Variants in CSGALNACT1 observed in about 807,000 individuals in gnomAD.
CSGALNACT1 encodes the protein chondroitin sulfate N-acetylgalactosaminyltransferase 1.
CSGALNACT1 carries 52 observed loss-of-function variants against 51.0 expected under a neutral mutation model. The ratio of observed to expected loss-of-function variants is 1.02; its 90% CI spans 0.82 to 1.29. CSGALNACT1 has a LOEUF of 1.29. Among genes scored for constraint, CSGALNACT1 ranks in the 50% most tolerant of loss-of-function variants. The pLI, the probability that CSGALNACT1 is intolerant of heterozygous loss-of-function variation, is 0.00. For missense variants in CSGALNACT1, 935 were observed against 679.2 expected (o/e 1.38, Z -4.19); for synonymous variants, 341 against 254.4 (o/e 1.34, Z -3.24).
intron 4 of CSGALNACT1, among the ~76,000 whole-genome samples, chr8:19,491,333 C>A (rs1185279603): frequency 6.6e-6 from 1 of 151,994 alleles, no homozygotes; most frequent in Non-Finnish European, 1.5e-5. Context: ...ATTATAAATA[C>A]TTCTATGATA....
upstream of CSGALNACT1, among the ~76,000 whole-genome samples, chr8:19,605,597 T>C (rs1311537246): frequency 1.3e-5 from 2 of 152,136 alleles, no homozygotes; most frequent in Non-Finnish European, 2.9e-5. Flanking sequence ...TCATCACCAG[T>C]GTCAGTTACA....
At chr8:19,703,925 C>T (rs986467042) in intron 1 of CSGALNACT1, among the ~76,000 whole-genome samples, 12 of 152,166 alleles carry the variant, frequency 7.9e-5, no homozygotes, top group African/African-American at 2.4e-4. Context: ...TTACATAGTA[C>T]GGGTGCATAT....
chr8:19,461,719 A>G (rs369543931), intron 4 of CSGALNACT1, among the ~76,000 whole-genome samples: 1 of 96,884 alleles, frequency 1.0e-5, no homozygotes, highest in African/African-American at 3.2e-5. Context: ...ACACACATTC[A>G]CCATGGAGGG....
chr8:19,652,674 G>A (rs1312773377), intron 1 of CSGALNACT1, among the ~76,000 whole-genome samples: 1 of 152,130 alleles, frequency 6.6e-6, no homozygotes, highest in Non-Finnish European at 1.5e-5. Flanking sequence ...TAGACTTTGG[G>A]AAACAGCAAT....
chr8:19,459,807 A>C (rs1169494830), intron 4 of CSGALNACT1, among the ~76,000 whole-genome samples: 1 of 152,196 alleles, frequency 6.6e-6, no homozygotes, highest in Non-Finnish European at 1.5e-5. Context: ...GATAAATGTT[A>C]GCCATCTTCA....
chr8:19,499,607 G>C (rs1023204840), intron 4 of CSGALNACT1, among the ~76,000 whole-genome samples: 1 of 152,162 alleles, frequency 6.6e-6, no homozygotes, highest in Non-Finnish European at 1.5e-5. Flanking sequence ...CTGTGCAGAG[G>C]CTCCATCTGC....
chr8:19,458,787 C>A (rs1279092619), intron 4 of CSGALNACT1, 145 bp from the exon 4 acceptor site: 1 of 794,168 alleles, frequency 1.3e-6, no homozygotes, highest in Non-Finnish European at 2.1e-6. Flanking sequence ...TCAAAATGCT[C>A]CCAATTAAAA....
intron 6 of CSGALNACT1, among the ~76,000 whole-genome samples, chr8:19,439,579 C>T (rs929812860): frequency 2.6e-5 from 4 of 152,230 alleles, no homozygotes; most frequent in African/African-American, 9.6e-5. Context: ...ACACTCCCCT[C>T]ACCCCTGCTG....
chr8:19,474,869 G>GAAAAAAAAAAAAAAA (rs10683237), intron 4 of CSGALNACT1, among the ~76,000 whole-genome samples: 117 of 85,854 alleles, frequency 1.4e-3, no homozygotes, highest in East Asian at 1.8e-3. Context: ...CTCTGTCTCA[G>GAAAAAAAAAAAAAAA]AAAAAAAAAA....
Position 19,670,650 on chromosome 8 carries a change from C to CAAAAAAA in CSGALNACT1, c.-544+11816_-544+11822dup, listed in dbSNP as rs752256046. Reference sequence around the variant, plus strand: ...AGAACTGATTATGCACTACTGAAGACAAAAAAAAAAAAAAAAAAAAAAAGA... The same window carrying CAAAAAAA: ...AGAACTGATTATGCACTACTGAAGACAAAAAAAAAAAAAAAAAAAAAAAAAAAAAAGA... On this transcript the variant is annotated intron_variant, in intron 1 of 9. Coordinates refer to the CSGALNACT1 transcript ENST00000332246. 2.1e-3 allele frequency among the ~76,000 whole-genome samples: 191 copies of CAAAAAAA among 92,768 alleles called. 1 individual carries two copies. The highest frequency in any genetic ancestry group is 2.6e-3 in the Admixed American group (17 of 6,450). 60.9% of individuals were successfully genotyped at this position (92,768 alleles called of 152,430 possible). A position where few individuals can be genotyped will look rare whatever the true frequency, so the allele number is the denominator to read the frequency against.
chr8:19,602,441 C>T (rs924759906), exon 1 of CSGALNACT1: 1 of 152,604 alleles, frequency 6.6e-6, no homozygotes, highest in Non-Finnish European at 1.5e-5. Context: ...GACCGCCTTC[C>T]CGAAGCACCG....
chr8:19,757,363 C>G lies in CSGALNACT1; in HGVS notation c.-297+487G>C, dbSNP rs2065468090. ...CGGCGGCGGCTCGGGCGGGCGGGCG[C>G]AACAGCGGCCAAGCCTGGCGCCCCG... On this transcript the variant is annotated intron_variant, in intron 1 of 1. Transcript: ENST00000517494. The surrounding 1 kb of genome is among the most constrained non-coding windows in gnomAD (Gnocchi z 4.0). 6.6e-6 allele frequency: 1 copy of G among 151,334 alleles called. No individual in the cohort carries two copies. The highest frequency in any genetic ancestry group is 1.5e-5 in the Non-Finnish European group (1 of 67,460). 9.4% of individuals were successfully genotyped at this position (151,334 alleles called of 1,614,324 possible).
intron 6 of CSGALNACT1, among the ~76,000 whole-genome samples, chr8:19,423,262 G>A (rs2058232819): frequency 6.6e-6 from 1 of 152,154 alleles, no homozygotes; most frequent in Non-Finnish European, 1.5e-5. Flanking sequence ...GTATAGATAG[G>A]CCAAATATTT....
chr8:19,445,188 G>A (rs2061920131), intron 5 of CSGALNACT1, among the ~76,000 whole-genome samples: 1 of 152,134 alleles, frequency 6.6e-6, no homozygotes, highest in Non-Finnish European at 1.5e-5. Flanking sequence ...GAAATCCTCT[G>A]TACATAAAAG....
chr8:19,605,655 A>C (rs2051272202), upstream of CSGALNACT1, among the ~76,000 whole-genome samples: 3 of 152,116 alleles, frequency 2.0e-5, no homozygotes, highest in Admixed American at 2.0e-4. Flanking sequence ...AGCGGCTGAG[A>C]AACCATCCAT....
At chr8:19,692,209 A>G (rs958084900) in intron 1 of CSGALNACT1, among the ~76,000 whole-genome samples, 1 of 152,156 alleles carries the variant, frequency 6.6e-6, no homozygotes, top group Non-Finnish European at 1.5e-5. Flanking sequence ...AGGGATTACA[A>G]TTAGAGATGA....
At chr8:19,500,346 A>G (rs12543167) in intron 4 of CSGALNACT1, among the ~76,000 whole-genome samples, 140 of 152,278 alleles carry the variant, frequency 9.2e-4, no homozygotes, top group African/African-American at 3.3e-3. Flanking sequence ...GTGACCCACC[A>G]CTAAGGAGAA....
At chr8:19,492,124 G>C (rs2074476415) in intron 4 of CSGALNACT1, among the ~76,000 whole-genome samples, 1 of 152,190 alleles carries the variant, frequency 6.6e-6, no homozygotes, top group Non-Finnish European at 1.5e-5. Context: ...AGAATCCTTT[G>C]GAAAATGTCT....
chr8:19,587,869 G>A (rs1380395527), intron 3 of CSGALNACT1: 1 of 152,124 alleles, frequency 6.6e-6, no homozygotes, highest in East Asian at 1.9e-4. Flanking sequence ...TTTCATATTT[G>A]TGATACCTTT....
Sources: allele counts gnomAD v4.1 joint callset (sites outside exome capture counted in the v4.1 genomes callset), GRCh38; gene constraint gnomAD v4.1.1; non-coding constraint Gnocchi (gnomAD v3.1); transcripts MANE v1.5; gene names NCBI Gene and HGNC (gene_info 2026-07-23, HGNC 2026-07-21).